The following PTPRN2 variants were observed in gnomAD, a reference collection of about 807,000 sequenced individuals.
PTPRN2 encodes receptor-type tyrosine-protein phosphatase N2.
In PTPRN2, 74 loss-of-function variants were observed where a neutral mutation model predicts 118.8. That is an observed-to-expected ratio of 0.62 (90% CI 0.52 to 0.76). The LOEUF is 0.76. PTPRN2 is among the 30% of genes least tolerant of loss of function. The pLI, the probability that PTPRN2 is intolerant of heterozygous loss-of-function variation, is 0.00. For missense variants in PTPRN2, 1,481 were observed against 1,394.4 expected, an observed-to-expected ratio of 1.06 and a Z score of -0.99; for synonymous variants, 641 against 608.0, an observed-to-expected ratio of 1.05 and a Z score of -0.80.
intron 9 of PTPRN2, among the ~76,000 whole-genome samples, chr7:158,124,663 C>T (rs899344578): frequency 6.6e-6 from 1 of 152,204 alleles, no homozygotes; most frequent in African/African-American, 2.4e-5. Context: ...CAGGAAGCTG[C>T]CTCCCAGACG....
intron 12 of PTPRN2, among the ~76,000 whole-genome samples, chr7:157,713,482 T>A (rs972330993): frequency 6.6e-6 from 1 of 152,004 alleles, no homozygotes; most frequent in Non-Finnish European, 1.5e-5. Context: ...TTGGATACTT[T>A]GTAAAAAAAA....
intron 11 of PTPRN2, among the ~76,000 whole-genome samples, chr7:158,055,884 T>C (rs545322596): frequency 6.6e-6 from 1 of 152,144 alleles, no homozygotes; most frequent in South Asian, 2.1e-4. Context: ...CTTTTTGTCT[T>C]GTGTCTTTAT....
At chr7:157,695,089 T>C (rs993555624) in intron 12 of PTPRN2, among the ~76,000 whole-genome samples, 8 of 152,152 alleles carry the variant, frequency 5.3e-5, no homozygotes, top group Non-Finnish European at 1.0e-4. Context: ...TTGTTATGTG[T>C]AAAACCTAAT....
chr7:157,720,021 C>T (rs948207450), intron 12 of PTPRN2, among the ~76,000 whole-genome samples: 1 of 150,772 alleles, frequency 6.6e-6, no homozygotes, highest in African/African-American at 2.4e-5. Context: ...AGACAGCCAC[C>T]GATGGAAACG....
chr7:157,885,106 A>G (rs2151294221), intron 12 of PTPRN2, among the ~76,000 whole-genome samples: 1 of 152,238 alleles, frequency 6.6e-6, no homozygotes, highest in Non-Finnish European at 1.5e-5. Flanking sequence ...TTTCTTCCCC[A>G]CACAGAGTAG....
chr7:158,232,793 T>C (rs552786154), intron 3 of PTPRN2, among the ~76,000 whole-genome samples: 225 of 152,286 alleles, frequency 1.5e-3, no homozygotes, highest in African/African-American at 5.1e-3. Context: ...TCAATAAACA[T>C]AATACATCAC....
intron 11 of PTPRN2, among the ~76,000 whole-genome samples, chr7:157,963,771 C>T (rs4019381): frequency 0.091 from 13,814 of 152,278 alleles, 1,026 homozygotes; most frequent in East Asian, 0.3. Context: ...CTAGTCCACC[C>T]GGGAGATGCC....
intron 2 of PTPRN2, among the ~76,000 whole-genome samples, chr7:158,414,208 C>G (rs116319488): frequency 0.012 from 1,827 of 152,126 alleles, 40 homozygotes; most frequent in African/African-American, 0.042. Flanking sequence ...CAACCCCGAA[C>G]GGCCCATAGC....
At chr7:157,807,774 C>T (rs139532488) in intron 12 of PTPRN2, among the ~76,000 whole-genome samples, 3,612 of 152,348 alleles carry the variant, frequency 0.024, 54 homozygotes, top group Admixed American at 0.038. Context: ...CAGCTGCCTT[C>T]ACTCTGGCCC....
chr7:157,862,808 TGCGGGAAGCGGCGAGGTGC>T (rs892679734), intron 12 of PTPRN2: 10 of 143,610 alleles, frequency 7.0e-5, no homozygotes, highest in South Asian at 2.1e-4. Flanking sequence ...CCTGGTGGTG[TGCGGGAAGCGGCGAGGTGC>T]GCGGGAAGCG....
chr7:158,470,838 A>ATT lies in PTPRN2; in HGVS notation c.163+18895_163+18896dup, dbSNP rs112598536. Reference sequence around the variant, plus strand: ...CCGTGAGATTTTATAGATCACATGGATTTTTTTTTTTTTTAGATGAGGTCT... The same window carrying ATT: ...CCGTGAGATTTTATAGATCACATGGATTTTTTTTTTTTTTTTAGATGAGGTCT... On this transcript the variant is annotated intron_variant, in intron 2 of 22. Coordinates refer to ENST00000389418, the MANE Select transcript of PTPRN2 (RefSeq NM_002847.5). Among the ~76,000 whole-genome samples, 94 of 143,990 alleles carry ATT rather than the reference A, an allele frequency of 6.5e-4. 1 individual carries two copies. In the South Asian group the frequency reaches 0.016, roughly 24 times the overall value. The allele number at this position is 143,990 out of a possible 152,430, so 94.5% of individuals were successfully genotyped here.
chr7:158,134,156 T>G, intron 8 of PTPRN2, 97 bp from the exon 9 acceptor site: 3 of 1,380,452 alleles, frequency 2.2e-6, no homozygotes, highest in Non-Finnish European at 3.0e-6. Flanking sequence ...ACTGTGGGGA[T>G]GACATGGGCA....
At chr7:157,730,640 G>A (rs1402000692) in intron 12 of PTPRN2, among the ~76,000 whole-genome samples, 1 of 152,218 alleles carries the variant, frequency 6.6e-6, no homozygotes, top group East Asian at 1.9e-4. Context: ...CACGATGAAG[G>A]GTATGACCAA....
At chr7:157,623,551 C>T (rs189659221) in intron 14 of PTPRN2, among the ~76,000 whole-genome samples, 25 of 152,336 alleles carry the variant, frequency 1.6e-4, no homozygotes, top group Admixed American at 1.5e-3. Flanking sequence ...TGGATATTAT[C>T]TTAATTCGTA....
At chr7:158,117,809 C>G (rs1355367782) in intron 9 of PTPRN2, among the ~76,000 whole-genome samples, 2 of 151,868 alleles carry the variant, frequency 1.3e-5, no homozygotes, top group East Asian at 3.9e-4. Context: ...AACCAAGAAT[C>G]CTATATCCAA....
At chr7:158,239,851 C>T (rs1186425363) in intron 3 of PTPRN2, among the ~76,000 whole-genome samples, 2 of 152,304 alleles carry the variant, frequency 1.3e-5, no homozygotes, top group Middle Eastern at 3.4e-3. Flanking sequence ...TAATCCTGGC[C>T]GGGGCACTGG....
At position 157,673,020 on chromosome 7, in the gene PTPRN2, C is replaced by T. The variant is rs558435905; in HGVS notation, c.2001+9705G>A. Among the ~76,000 whole-genome samples the T allele has an allele frequency of 3.9e-5, 6 of 152,286 alleles. No homozygotes were observed. In the East Asian group the frequency reaches 9.7e-4, roughly 25 times the overall value. On this transcript the variant is annotated intron_variant, in intron 13 of 22. Coordinates refer to ENST00000389418, the MANE Select transcript of PTPRN2 (RefSeq NM_002847.5). ...CACACCTGCCACCTTTCTAGTGAGT[C>T]TCTTGTACTTGCTAATAGAGAAATA...
intron 13 of PTPRN2, among the ~76,000 whole-genome samples, chr7:157,672,634 C>T (rs1796474034): frequency 6.6e-6 from 1 of 152,202 alleles, no homozygotes; most frequent in African/African-American, 2.4e-5. Context: ...CGACGAAACG[C>T]CTACCCAGAG....
In PTPRN2 at chr7:158,336,453, T is replaced by A. The variant is rs1805552428; in HGVS notation, c.164-19521A>T. 2.7e-5 allele frequency among the ~76,000 whole-genome samples: 3 copies of A among 110,406 alleles called. 1 individual carries two copies. The highest frequency in any genetic ancestry group is 6.6e-5 in the African/African-American group (2 of 30,306). The allele number at this position is 110,406 out of a possible 152,430, so 72.4% of individuals were successfully genotyped here. A position where few individuals can be genotyped will look rare whatever the true frequency, so the allele number is the denominator to read the frequency against. On this transcript the variant is annotated intron_variant, in intron 2 of 22. Transcript: ENST00000389418. ...CAGACGTCACTCACACCCACACATG[T>A]CACTCACACCCACACTCTCACCATA...
Sources: allele counts gnomAD v4.1 joint callset (sites outside exome capture counted in the v4.1 genomes callset), GRCh38; gene constraint gnomAD v4.1.1; transcripts MANE v1.5; gene names NCBI Gene and HGNC (gene_info 2026-07-23, HGNC 2026-07-21).